Variants in R3HDM2 observed in about 807,000 individuals in gnomAD.
R3HDM2 encodes R3H domain containing 2.
Under a neutral mutation model 124.5 loss-of-function variants are expected in R3HDM2, and 38 were observed. That is an observed-to-expected ratio of 0.31 (90% CI 0.24 to 0.40). R3HDM2 has a LOEUF of 0.40. Among genes scored for constraint, R3HDM2 ranks in the 10% least tolerant of loss-of-function variants. R3HDM2 has a pLI of 1.00. For synonymous variants in R3HDM2, 391 were observed against 448.0 expected (o/e 0.87, Z 1.61); for missense variants, 869 against 1,236.9 (o/e 0.70, Z 4.46).
chr12:57,427,557 C>T (rs1484562504), intron 1 of R3HDM2, among the ~76,000 whole-genome samples: 1 of 150,616 alleles, frequency 6.6e-6, no homozygotes, highest in African/African-American at 2.4e-5. Context: ...ACCATGTTGG[C>T]CAGGCTGGTC....
At chr12:57,311,426 C>T (rs1566088920) in intron 2 of R3HDM2, among the ~76,000 whole-genome samples, 1 of 151,982 alleles carries the variant, frequency 6.6e-6, no homozygotes, top group Non-Finnish European at 1.5e-5. Context: ...CAGGGTTTCA[C>T]TGTGTTAGCC....
At chr12:57,418,559 ATCT>A (rs1317873986) in intron 1 of R3HDM2, among the ~76,000 whole-genome samples, 5 of 151,002 alleles carry the variant, frequency 3.3e-5, no homozygotes, top group African/African-American at 4.9e-5. Flanking sequence ...TGACTTTGAT[ATCT>A]TCTTTTTTTT....
chr12:57,416,125 T>G (rs182774470), intron 1 of R3HDM2, among the ~76,000 whole-genome samples: 2 of 152,120 alleles, frequency 1.3e-5, no homozygotes, highest in East Asian at 3.8e-4. Flanking sequence ...CTTAAGAAAT[T>G]ATGGAGTGAG....
At chr12:57,399,209 C>G (rs543711703) in intron 1 of R3HDM2, among the ~76,000 whole-genome samples, 1 of 152,032 alleles carries the variant, frequency 6.6e-6, no homozygotes, top group Non-Finnish European at 1.5e-5. Context: ...TGAGACCAGC[C>G]TGGCTGGCGT....
chr12:57,293,056 C>T (rs757422070), intron 10 of R3HDM2, among the ~76,000 whole-genome samples: 12 of 152,100 alleles, frequency 7.9e-5, no homozygotes, highest in Non-Finnish European at 1.8e-4. Context: ...GAAGCTGGAA[C>T]GGGAGAAGAA....
At chr12:57,298,286 A>G in intron 6 of R3HDM2, 118 bp from the exon 7 acceptor site, 5 of 766,354 alleles carry the variant, frequency 6.5e-6, no homozygotes, top group Non-Finnish European at 1.0e-5. Flanking sequence ...GCAAAATCAA[A>G]CTTCCAGGGT....
intron 2 of R3HDM2, chr12:57,341,383 C>T: frequency 2.0e-6 from 2 of 981,352 alleles, no homozygotes; most frequent in Non-Finnish European, 2.4e-6. Context: ...AGGAAGAACG[C>T]ACCGCTTCAG....
At chr12:57,257,960 A>G in intron 21 of R3HDM2, 30 bp downstream of exon 21, 1 of 1,447,602 alleles carries the variant, frequency 6.9e-7, no homozygotes, top group Admixed American at 2.2e-5. Flanking sequence ...GGTGAATTCC[A>G]TAGCAGCCAG....
chr12:57,398,638 G>A (rs767998990), intron 1 of R3HDM2, among the ~76,000 whole-genome samples: 7 of 151,960 alleles, frequency 4.6e-5, no homozygotes, highest in Non-Finnish European at 8.8e-5. Context: ...ACAGGTGCCC[G>A]CCACCATGCC....
At chr12:57,416,894 G>A (rs1026209226) in intron 1 of R3HDM2, among the ~76,000 whole-genome samples, 6 of 150,046 alleles carry the variant, frequency 4.0e-5, no homozygotes, top group African/African-American at 1.5e-4. Context: ...GGCAGGTCAT[G>A]AGGTCAGGAG....
At chr12:57,293,885 C>T (rs76629790) in intron 10 of R3HDM2, among the ~76,000 whole-genome samples, 5,175 of 152,254 alleles carry the variant, frequency 0.034, 134 homozygotes, top group Middle Eastern at 0.065. Context: ...CTTATAAATT[C>T]CATTCCAAGA....
intron 2 of R3HDM2, among the ~76,000 whole-genome samples, chr12:57,342,380 T>C (rs573657858): frequency 1.3e-5 from 2 of 151,860 alleles, no homozygotes; most frequent in South Asian, 2.1e-4. Flanking sequence ...CTAACTGCTC[T>C]GACAAGCAGC....
intron 1 of R3HDM2, among the ~76,000 whole-genome samples, chr12:57,412,332 A>G (rs958588611): frequency 1.3e-5 from 2 of 151,178 alleles, no homozygotes; most frequent in Admixed American, 6.6e-5. Context: ...ACTTGAGATC[A>G]GGAGTTCAAG....
intron 14 of R3HDM2, 117 bp from the exon 15 acceptor site, chr12:57,270,111 G>C: frequency 5.6e-6 from 7 of 1,250,432 alleles, no homozygotes; most frequent in Non-Finnish European, 6.8e-6. Flanking sequence ...AACAATGGGG[G>C]ATAGTCCTAC....
chr12:57,304,254 GA>G (rs1376160620), intron 3 of R3HDM2, among the ~76,000 whole-genome samples: 1 of 152,170 alleles, frequency 6.6e-6, no homozygotes, highest in African/African-American at 2.4e-5. Context: ...GATAAAGAAT[GA>G]AGGCGTAAGG....
At chr12:57,387,780 C>T (rs1462904753) in intron 2 of R3HDM2, among the ~76,000 whole-genome samples, 4 of 151,996 alleles carry the variant, frequency 2.6e-5, no homozygotes, top group African/African-American at 9.7e-5. Context: ...TGCCCATGGG[C>T]GGACAAAAAG....
At chr12:57,386,543 G>A (rs1308953476) in intron 2 of R3HDM2, among the ~76,000 whole-genome samples, 2 of 152,206 alleles carry the variant, frequency 1.3e-5, no homozygotes, top group East Asian at 1.9e-4. Flanking sequence ...CCATGCCTGA[G>A]CCTCCCCCCG....
intron 2 of R3HDM2, among the ~76,000 whole-genome samples, chr12:57,331,177 C>G (rs1350627775): frequency 6.6e-6 from 1 of 152,142 alleles, no homozygotes; most frequent in African/African-American, 2.4e-5. Flanking sequence ...CCACTTTCAC[C>G]CCTACCATAG....
intron 2 of R3HDM2, among the ~76,000 whole-genome samples, chr12:57,369,508 T>C (rs938156319): frequency 4.6e-5 from 7 of 152,342 alleles, no homozygotes; most frequent in African/African-American, 7.2e-5. Context: ...TGGATGGCTA[T>C]TTCAGAAATC....
Sources: allele counts gnomAD v4.1 joint callset (sites outside exome capture counted in the v4.1 genomes callset), GRCh38; gene constraint gnomAD v4.1.1; transcripts MANE v1.5; gene names NCBI Gene and HGNC (gene_info 2026-07-23, HGNC 2026-07-21).